Variants in USP24 observed in about 807,000 individuals in gnomAD.
The protein encoded by USP24 is ubiquitin specific peptidase 24.
USP24 carries 97 observed loss-of-function variants against 361.6 expected under a neutral mutation model. The ratio of observed to expected loss-of-function variants is 0.27; its 90% CI spans 0.23 to 0.32. The LOEUF is 0.32. USP24 is among the 10% of genes least tolerant of loss of function. The probability of loss-of-function intolerance (pLI) is 1.00; values close to 1 mark genes in which losing one functional copy is unlikely to be tolerated. For missense variants in USP24, 2,353 were observed against 3,165.6 expected (o/e 0.74, Z 6.16); for synonymous variants, 1,098 against 1,124.6 (o/e 0.98, Z 0.47).
chr1:55,134,184 A>G (rs947309372), intron 29 of USP24, 21 bp from the exon 30 acceptor site: 2 of 1,608,492 alleles, frequency 1.2e-6, no homozygotes, highest in Non-Finnish European at 1.7e-6. Flanking sequence ...TCAAATACAA[A>G]TTTTTTCATA....
chr1:55,069,005 A>C lies in USP24; in HGVS notation c.*40T>G, dbSNP rs766193393. 1.0e-5 allele frequency: 16 copies of C among 1,604,872 alleles called. No individual in the cohort carries two copies. The East Asian group carries it at 2.9e-4, about 29-fold the overall frequency. The stretch of plus-strand genomic sequence containing the variant: ...GATTCCAAGAAGGTGCTGAGCATCC[A>C]GTATTGTGTCTTGACTCCTCTCAGG... On this transcript the variant is annotated 3_prime_UTR_variant, in exon 68 of 68. Transcript: ENST00000294383.
chr1:55,106,253 G>A lies in USP24; in HGVS notation c.4773C>T (p.Leu1591=). ...GGAAGTCATCTAACAATGGTTTAAT[G>A]AGTGATGAACCTGGAATAGAGCATA... ...GAEKEMLGSS[L]IKPLLDDFLF... Residue 1591 remains leucine (L), a synonymous_variant, in exon 41 of 68, where the codon CTC becomes CTT. Coordinates refer to ENST00000294383, the MANE Select transcript of USP24 (RefSeq NM_015306.3). The A allele has an allele frequency of 1.2e-6, 2 of 1,606,270 alleles. No individual in the cohort carries two copies. The highest frequency in any genetic ancestry group is 1.7e-6 in the Non-Finnish European group (2 of 1,172,976).
chr1:55,138,824 G>A (rs1570513922), intron 25 of USP24, 106 bp from the exon 26 acceptor site: 1 of 1,322,084 alleles, frequency 7.6e-7, no homozygotes, highest in East Asian at 2.5e-5. Flanking sequence ...TTTAAGAAAA[G>A]AGAGGCTAAC....
intron 51 of USP24, 33 bp from the exon 52 acceptor site, chr1:55,094,120 A>G: frequency 6.3e-7 from 1 of 1,575,946 alleles, no homozygotes; most frequent in Admixed American, 1.9e-5. Flanking sequence ...TCTGTCTAGT[A>G]TAAAGTGGCT....
Position 55,134,423 on chromosome 1 carries a change from A to G in USP24, c.3202-10T>C, listed in dbSNP as rs1473587032. 1 of 1,603,062 alleles carries G rather than the reference A, an allele frequency of 6.2e-7. No homozygotes were observed. Among genetic ancestry groups the G allele is most frequent in the South Asian group, 1.1e-5 (1 of 90,396 alleles). On this transcript the variant is annotated splice_polypyrimidine_tract_variant and intron_variant, in intron 28 of 67. Transcript: ENST00000294383. ...CAGGGAGGGATTTCTCCTGATGGAA[A>G]AAAGCAAAATAGAAATTCAAATTTA...
At chr1:55,109,197 G>A (rs996156346) in intron 39 of USP24, among the ~76,000 whole-genome samples, 2 of 152,142 alleles carry the variant, frequency 1.3e-5, no homozygotes, top group East Asian at 1.9e-4. Flanking sequence ...GGCTGGTCTC[G>A]AACTCCTGAT....
In USP24 at chr1:55,079,638, C is replaced by T. The variant is rs778463727; in HGVS notation, c.7100G>A (p.Arg2367Gln). The T allele has an allele frequency of 2.2e-5, 34 of 1,539,020 alleles. No individual in the cohort carries two copies. The highest frequency in any genetic ancestry group is 5.0e-5 in the East Asian group (2 of 40,402). ...RNVAPGIFKQ[R>Q]PPISIAPSSP... ...TGAGGGAGCAATGCTAATGGGTGGT[C>T]GTTGCTTAAATATGCCAGGAGCTTT... Residue 2367 changes from arginine to glutamine, a missense_variant, in exon 60 of 68, where the codon CGA becomes CAA. By Grantham distance (43) the Arg-to-Gln change is conservative. Coordinates refer to ENST00000294383, the MANE Select transcript of USP24 (RefSeq NM_015306.3).
intron 52 of USP24, 23 bp downstream of exon 52, chr1:55,093,914 A>G (rs368693166): frequency 3.8e-5 from 61 of 1,612,766 alleles, no homozygotes; most frequent in Non-Finnish European, 4.8e-5. Flanking sequence ...ATTCCCCCTT[A>G]GAATTTTTTA....
intron 1 of USP24, among the ~76,000 whole-genome samples, chr1:55,206,732 C>G (rs1644717265): frequency 1.3e-5 from 2 of 148,698 alleles, no homozygotes. Flanking sequence ...AGGGAAGGGG[C>G]ATGAAAAATA....
At chr1:55,144,826 C>T (rs1011652493) in intron 20 of USP24, among the ~76,000 whole-genome samples, 4 of 152,048 alleles carry the variant, frequency 2.6e-5, no homozygotes, top group Admixed American at 2.6e-4. Context: ...CCCAGCTACT[C>T]GGGAAGCTGA....
chr1:55,097,087 C>A lies in USP24; in HGVS notation c.5801G>T (p.Arg1934Leu). ...DSSSEVGENG[R>L]SVDQGGGGSP... ...TCCTCCACCGCCCTGATCCACACTTCGCCCATTTTCCCCAACTTCAGAAGA... is the reference window on the plus strand; with the variant it reads ...TCCTCCACCGCCCTGATCCACACTTAGCCCATTTTCCCCAACTTCAGAAGA... Residue 1934 changes from arginine (R) to leucine (L), a missense_variant, in exon 49 of 68, where the codon CGA becomes CTA. By Grantham distance (102) the Arg-to-Leu change is moderately radical. Coordinates refer to ENST00000294383, the MANE Select transcript of USP24 (RefSeq NM_015306.3). 1 of 1,613,950 alleles carries A rather than the reference C, an allele frequency of 6.2e-7. No homozygotes were observed. The highest frequency in any genetic ancestry group is 8.5e-7 in the Non-Finnish European group (1 of 1,179,882).
In USP24 at chr1:55,075,377, C is replaced by T. The variant is rs2297564; in HGVS notation, c.7447+80G>A. 1.6e-3 allele frequency: 2,070 copies of T among 1,332,694 alleles called. 44 individuals carry two copies. The East Asian group carries it at 0.047, about 30-fold the overall frequency. 82.6% of individuals were successfully genotyped at this position (1,332,694 alleles called of 1,614,324 possible). A position where few individuals can be genotyped will look rare whatever the true frequency, so the allele number is the denominator to read the frequency against. On this transcript the variant is annotated intron_variant, in intron 63 of 67. Transcript: ENST00000294383. ...TCACTGTAGATCCCACCGAGAGTAG[C>T]AGGAGGCAGAACTGGCCAGAACAAT...
At chr1:55,189,553 G>T (rs182532018) in intron 1 of USP24, among the ~76,000 whole-genome samples, 1 of 152,188 alleles carries the variant, frequency 6.6e-6, no homozygotes, top group African/African-American at 2.4e-5. Context: ...GTAGACTGGT[G>T]GTTGCCACAG....
intron 47 of USP24, 22 bp from the exon 48 acceptor site, chr1:55,097,739 A>T (rs750047041): frequency 6.6e-7 from 1 of 1,526,330 alleles, no homozygotes; most frequent in South Asian, 1.3e-5. Context: ...AAAAAGGAAA[A>T]AGAGCAAATC....
In USP24 at chr1:55,087,081, A is replaced by G. The variant is rs146763006; in HGVS notation, c.6669-1043T>C. 7.5e-3 allele frequency among the ~76,000 whole-genome samples: 1,141 copies of G among 152,358 alleles called. 5 individuals are homozygous for G. Among genetic ancestry groups the G allele is most frequent in the Non-Finnish European group, 0.012 (843 of 68,034 alleles). ...TACCAAGGGGCTGATCTAAAAGACA[A>G]TATCTCTTCATGTTTAAAGTTACTA... On this transcript the variant is annotated intron_variant, in intron 55 of 67. Transcript: ENST00000294383.
chr1:55,215,024 G>A lies in USP24; in HGVS notation c.90C>T (p.Ala30=). Residue 30 remains alanine, a synonymous_variant, in exon 1 of 68, where the codon GCC becomes GCT. Coordinates refer to ENST00000294383, the MANE Select transcript of USP24 (RefSeq NM_015306.3). Reference sequence around the variant, plus strand: ...CCACGGCCTCGTTAATGTCGTTCTTGGCCAGGCGCAGGGCCTTGCGGATGG... The same window carrying A: ...CCACGGCCTCGTTAATGTCGTTCTTAGCCAGGCGCAGGGCCTTGCGGATGG... ...PATIRKALRL[A]KNDINEAVAL... The A allele has an allele frequency of 1.3e-6, 2 of 1,484,572 alleles. No individual in the cohort carries two copies. The highest frequency in any genetic ancestry group is 2.8e-5 in the East Asian group (1 of 35,666). The allele number at this position is 1,484,572 out of a possible 1,614,324, so 92.0% of individuals were successfully genotyped here.
intron 1 of USP24, among the ~76,000 whole-genome samples, chr1:55,205,853 G>A (rs1250570385): frequency 4.6e-5 from 7 of 152,140 alleles, no homozygotes; most frequent in Admixed American, 4.6e-4. Flanking sequence ...TTTAGCACAA[G>A]CTTATTTTCA....
intron 55 of USP24, among the ~76,000 whole-genome samples, chr1:55,088,769 A>T (rs1305413827): frequency 2.0e-5 from 3 of 152,236 alleles, no homozygotes; most frequent in Non-Finnish European, 4.4e-5. Flanking sequence ...CAAGGACAAG[A>T]GAAGCTGACT....
At chr1:55,171,535 A>G (rs1481054977) in intron 5 of USP24, 21 bp downstream of exon 5, 1 of 1,591,558 alleles carries the variant, frequency 6.3e-7, no homozygotes, top group Admixed American at 1.8e-5. Flanking sequence ...CTATAAAAAG[A>G]TGAAACTAAA....
Sources: allele counts gnomAD v4.1 joint callset (sites outside exome capture counted in the v4.1 genomes callset), GRCh38; gene constraint gnomAD v4.1.1; transcripts MANE v1.5; gene names NCBI Gene and HGNC (gene_info 2026-07-23, HGNC 2026-07-21).